The following JMJD6 variants were observed in gnomAD, a reference collection of about 807,000 sequenced individuals.
JMJD6 encodes the protein bifunctional arginine demethylase and lysyl-hydroxylase JMJD6.
In JMJD6, 17 loss-of-function variants were observed where a neutral mutation model predicts 45.8. The ratio of observed to expected loss-of-function variants is 0.37; its 90% confidence interval spans 0.25 to 0.56. The LOEUF (loss-of-function observed/expected upper bound fraction) is 0.56. Among genes scored for constraint, JMJD6 ranks in the 20% least tolerant of loss-of-function variants. The pLI is 0.79. For missense variants in JMJD6, 470 were observed against 517.5 expected (o/e 0.91, Z 0.89); for synonymous variants, 221 against 196.3 (o/e 1.13, Z -1.05).
At chr17:76,714,314 C>G (rs1440016035), downstream of JMJD6, 1 of 152,232 alleles carries the variant, frequency 6.6e-6, no homozygotes, top group Non-Finnish European at 1.5e-5. Context: ...CAGGACCCAG[C>G]TCTTTGGTTT....
At position 76,726,463 on chromosome 17, in the gene JMJD6, T is replaced by C. The variant is rs1406639739; in HGVS notation, c.13A>G (p.Ser5Gly). 2 of 1,602,054 alleles carry C rather than the reference T, an allele frequency of 1.2e-6. No homozygotes were observed. The highest frequency in any genetic ancestry group is 1.7e-6 in the Non-Finnish European group (2 of 1,175,516). The stretch of plus-strand genomic sequence containing the variant: ...TTGGCCTCGCGGATGCGCTTCTTGC[T>C]CTTGTGGTTCATTCTGCGGGGTCGC... MNHK[S>G]KKRIREAKRS... is the part of the protein sequence containing the mutation. The change falls in exon 1 of 6, where the codon AGC becomes GGC. Residue 5 changes from serine to glycine, a missense_variant. Around this residue, in one of 4 missense-constraint regions of JMJD6, gnomAD observed 346 missense variants for 339.5 expected, o/e 1.02. Coordinates refer to ENST00000397625, the MANE Select transcript of JMJD6 (RefSeq NM_015167.3).
downstream of JMJD6, among the ~76,000 whole-genome samples, chr17:76,717,859 C>T (rs1331744434): frequency 2.0e-5 from 3 of 151,624 alleles, no homozygotes; most frequent in East Asian, 1.9e-4. Context: ...GGCGTGGTGG[C>T]GCATGCCTGT....
chr17:76,718,434 G>C, downstream of JMJD6: 1 of 1,313,980 alleles, frequency 7.6e-7, no homozygotes, highest in Non-Finnish European at 9.7e-7. Context: ...TATTCTCAAA[G>C]GAAAACATTT....
chr17:76,716,564 G>A, downstream of JMJD6: 2 of 880,162 alleles, frequency 2.3e-6, no homozygotes, highest in Non-Finnish European at 3.8e-6. Flanking sequence ...TTGGACCAGG[G>A]AAGGAATATC....
intron 4 of JMJD6, chr17:76,721,400 A>T: frequency 2.8e-6 from 1 of 361,028 alleles, no homozygotes; most frequent in East Asian, 7.6e-5. Flanking sequence ...CAGTCACCTC[A>T]CTCACAAGAA....
downstream of JMJD6, among the ~76,000 whole-genome samples, chr17:76,717,846 C>A (rs577607064): frequency 6.6e-6 from 1 of 151,058 alleles, no homozygotes; most frequent in African/African-American, 2.4e-5. Flanking sequence ...AAAAAATTAG[C>A]TGGGCGTGGT....
chr17:76,724,120 CA>C, intron 2 of JMJD6, 62 bp from the exon 3 acceptor site: 1 of 1,557,478 alleles, frequency 6.4e-7, no homozygotes. Flanking sequence ...CCACACAAAA[CA>C]ATAAGTTTTT....
Sources: gnomAD v4.1 joint callset for allele counts (sites outside exome capture counted in the v4.1 genomes callset) on GRCh38, gnomAD v4.1.1 for gene constraint, gnomAD v4.1.1 regional missense constraint, MANE v1.5 for transcripts, NCBI Gene and HGNC (gene_info 2026-07-23, HGNC 2026-07-21) for gene names.